KIF16B: variants seen among roughly 807,000 people sequenced by gnomAD.
The protein encoded by KIF16B is kinesin family member 16B, also known as kinesin-like protein KIF16B.
In KIF16B, 98 loss-of-function variants were observed where a neutral mutation model predicts 156.3. That is an observed-to-expected ratio of 0.63 (90% confidence interval 0.53 to 0.74). The LOEUF (loss-of-function observed/expected upper bound fraction) is 0.74, where lower values mean the gene tolerates loss of function less well. KIF16B is among the 30% of genes least tolerant of loss of function. The probability of loss-of-function intolerance (pLI) is 0.00; values close to 1 mark genes in which losing one functional copy is unlikely to be tolerated. For missense variants in KIF16B, 1,421 were observed against 1,606.5 expected (o/e 0.88, Z 1.97); for synonymous variants, 564 against 583.7 (o/e 0.97, Z 0.49).
At chr20:16,412,379 A>G (rs888449755) in intron 15 of KIF16B, among the ~76,000 whole-genome samples, 3 of 152,108 alleles carry the variant, frequency 2.0e-5, no homozygotes, top group Non-Finnish European at 4.4e-5. Flanking sequence ...TCTTTCAAGA[A>G]GTCTATGAAT....
intron 24 of KIF16B, among the ~76,000 whole-genome samples, chr20:16,323,845 T>TAA (rs143240309): frequency 6.6e-6 from 1 of 151,566 alleles, no homozygotes; most frequent in Non-Finnish European, 1.5e-5. Context: ...AGCTAAAACT[T>TAA]AGAGTCATCC....
intron 1 of KIF16B, among the ~76,000 whole-genome samples, chr20:16,566,789 CTG>C (rs1341887230): frequency 6.6e-6 from 1 of 152,196 alleles, no homozygotes; most frequent in Admixed American, 6.5e-5. Flanking sequence ...GAATATGTGT[CTG>C]TTGAGCATTT....
At chr20:16,403,310 T>C (rs1419362490) in intron 17 of KIF16B, among the ~76,000 whole-genome samples, 1 of 152,170 alleles carries the variant, frequency 6.6e-6, no homozygotes, top group Non-Finnish European at 1.5e-5. Context: ...AACTTAAACA[T>C]TAGTGATTCC....
chr20:16,550,851 G>A (rs1222447297), intron 1 of KIF16B, among the ~76,000 whole-genome samples: 1 of 151,762 alleles, frequency 6.6e-6, no homozygotes, highest in Non-Finnish European at 1.5e-5. Flanking sequence ...TTCTAAACTA[G>A]AAGTTTTAAA....
chr20:16,377,843 T>TG (rs2064991587), intron 19 of KIF16B, among the ~76,000 whole-genome samples: 1 of 152,154 alleles, frequency 6.6e-6, no homozygotes, highest in African/African-American at 2.4e-5. Context: ...ACTTATGGTC[T>TG]GGTAAGTATG....
intron 10 of KIF16B, among the ~76,000 whole-genome samples, chr20:16,499,661 T>C (rs6131830): frequency 0.23 from 34,451 of 152,136 alleles, 4,477 homozygotes; most frequent in East Asian, 0.36. Flanking sequence ...CGTGGGTAAT[T>C]TTACAGAATC....
intron 1 of KIF16B, among the ~76,000 whole-genome samples, chr20:16,534,544 T>A (rs2069882483): frequency 6.6e-6 from 1 of 152,224 alleles, no homozygotes; most frequent in Non-Finnish European, 1.5e-5. Flanking sequence ...TTTTTGGTTT[T>A]GTTGTCTGTG....
chr20:16,356,202 C>G (rs117064762), intron 23 of KIF16B, 128 bp downstream of exon 23: 2 of 1,224,448 alleles, frequency 1.6e-6, no homozygotes. Context: ...TAAAGAAGGG[C>G]AAGACCAAAT....
intron 12 of KIF16B, among the ~76,000 whole-genome samples, chr20:16,482,728 A>G (rs2068014360): frequency 6.6e-6 from 1 of 152,136 alleles, no homozygotes; most frequent in African/African-American, 2.4e-5. Context: ...ATTTTCTCTT[A>G]AGAAGTAAAA....
At chr20:16,559,619 T>C (rs1007809637) in intron 1 of KIF16B, among the ~76,000 whole-genome samples, 3 of 151,792 alleles carry the variant, frequency 2.0e-5, no homozygotes, top group African/African-American at 4.8e-5. Flanking sequence ...AAAAAAAATT[T>C]AAATTACTAA....
chr20:16,387,701 C>A (rs911516889), intron 17 of KIF16B, among the ~76,000 whole-genome samples: 1 of 152,048 alleles, frequency 6.6e-6, no homozygotes, highest in Admixed American at 6.5e-5. Context: ...TCAAAGAGTG[C>A]GAAAGGCAAA....
At chr20:16,431,502 T>C (rs955347737) in intron 12 of KIF16B, among the ~76,000 whole-genome samples, 2 of 152,170 alleles carry the variant, frequency 1.3e-5, no homozygotes, top group African/African-American at 4.8e-5. Flanking sequence ...CGGTTCCTAC[T>C]GCTTTTGTGG....
chr20:16,396,074 A>T (rs2065492868), intron 17 of KIF16B, among the ~76,000 whole-genome samples: 1 of 152,204 alleles, frequency 6.6e-6, no homozygotes, highest in Admixed American at 6.5e-5. Context: ...TGTGATAGTT[A>T]AAAAACAGAC....
At chr20:16,345,378 G>T (rs1311196916) in intron 23 of KIF16B, among the ~76,000 whole-genome samples, 1 of 152,196 alleles carries the variant, frequency 6.6e-6, no homozygotes, top group Non-Finnish European at 1.5e-5. Context: ...GGCACTCACA[G>T]CCTCTTTTCA....
intron 12 of KIF16B, among the ~76,000 whole-genome samples, chr20:16,454,136 G>C (rs948245667): frequency 1.3e-5 from 2 of 152,106 alleles, no homozygotes; most frequent in Admixed American, 1.3e-4. Context: ...AAGAAGATTG[G>C]GGACATACTG....
rs1015269696 is a variant in KIF16B at position 16,546,810 on chromosome 20, T to C, written c.48-18370A>G. ...TTATTTACTTCAGATGGAGTCTCAC[T>C]CTGTTGCCCAGGCTGGAGTGCAGTG... On this transcript the variant is annotated intron_variant, in intron 1 of 25. Transcript: ENST00000354981. Among the ~76,000 whole-genome samples the C allele has an allele frequency of 3.3e-5, 5 of 152,294 alleles. No homozygotes were observed. The East Asian group carries it at 9.7e-4, about 29-fold the overall frequency.
Position 16,573,329 on chromosome 20 carries a change from C to A in KIF16B, c.-54G>T. 1.3e-6 allele frequency: 2 copies of A among 1,587,152 alleles called. No homozygotes were observed. Among genetic ancestry groups the A allele is most frequent in the South Asian group, 1.1e-5 (1 of 88,262 alleles). Reference sequence around the variant, plus strand: ...TCCCACTAGCCCAGAACTCCGCGGTCGCCGGCGACGCTGGCTACTCAGATC... The same window carrying A: ...TCCCACTAGCCCAGAACTCCGCGGTAGCCGGCGACGCTGGCTACTCAGATC... On this transcript the variant is annotated 5_prime_UTR_variant, in exon 1 of 26. Coordinates refer to ENST00000354981, the MANE Select transcript of KIF16B (RefSeq NM_024704.5).
At chr20:16,285,882 T>C (rs1197850054) in intron 25 of KIF16B, among the ~76,000 whole-genome samples, 1 of 152,076 alleles carries the variant, frequency 6.6e-6, no homozygotes, top group Non-Finnish European at 1.5e-5. Flanking sequence ...GATGCCTCCA[T>C]TTCAACTTAC....
At chr20:16,437,309 A>G (rs1404302858) in intron 12 of KIF16B, among the ~76,000 whole-genome samples, 1 of 152,250 alleles carries the variant, frequency 6.6e-6, no homozygotes, top group Non-Finnish European at 1.5e-5. Context: ...AACTGCATAC[A>G]CAAGGAACCA....
Sources: allele counts gnomAD v4.1 joint callset (sites outside exome capture counted in the v4.1 genomes callset), GRCh38; gene constraint gnomAD v4.1.1; transcripts MANE v1.5; gene names NCBI Gene and HGNC (gene_info 2026-07-23, HGNC 2026-07-21).